Variants in GLIS1 observed in about 807,000 individuals in gnomAD.
GLIS1 encodes GLIS family zinc finger 1.
In GLIS1, 24 loss-of-function variants were observed where a neutral mutation model predicts 63.8. The observed-to-expected ratio is 0.38, with a 90% CI of 0.27 to 0.53. The LOEUF is 0.53. GLIS1 is among the 20% of genes least tolerant of loss of function. The pLI, the probability that GLIS1 is intolerant of heterozygous loss-of-function variation, is 0.85. For missense variants in GLIS1, 1,036 were observed against 1,074.1 expected (o/e 0.96, Z 0.50); for synonymous variants, 450 against 482.5 (o/e 0.93, Z 0.88).
intron 2 of GLIS1, among the ~76,000 whole-genome samples, chr1:53,703,452 T>C (rs1251221496): frequency 1.3e-5 from 2 of 151,714 alleles, no homozygotes; most frequent in African/African-American, 4.8e-5. Context: ...GCCTGGGCAA[T>C]ATAGCAAGAC....
chr1:53,700,579 G>A (rs1294455890), intron 2 of GLIS1, among the ~76,000 whole-genome samples: 1 of 152,214 alleles, frequency 6.6e-6, no homozygotes, highest in Non-Finnish European at 1.5e-5. Context: ...GGAGGGGTCA[G>A]ATCCTGCAGG....
intron 4 of GLIS1, among the ~76,000 whole-genome samples, chr1:53,589,288 G>C (rs572414836): frequency 2.6e-5 from 4 of 152,202 alleles, no homozygotes; most frequent in African/African-American, 9.6e-5. Context: ...CAAAACAACA[G>C]ATAGGGAATG....
At chr1:53,527,204 G>A (rs969478720) in intron 5 of GLIS1, among the ~76,000 whole-genome samples, 10 of 152,232 alleles carry the variant, frequency 6.6e-5, no homozygotes, top group Non-Finnish European at 1.5e-4. Context: ...TCCTCTGCTC[G>A]GTGGCCTCGA....
intron 3 of GLIS1, among the ~76,000 whole-genome samples, chr1:53,596,896 TCA>T (rs1015700637): frequency 2.0e-5 from 3 of 151,994 alleles, no homozygotes; most frequent in African/African-American, 7.2e-5. Context: ...GAATGGAAAG[TCA>T]GTGATTTCAC....
chr1:53,592,645 C>G (rs559013625), intron 4 of GLIS1, among the ~76,000 whole-genome samples: 2 of 152,332 alleles, frequency 1.3e-5, no homozygotes, highest in South Asian at 4.1e-4. Flanking sequence ...GCCCAGCCAC[C>G]AGGCCTCCTT....
chr1:53,622,216 T>G (rs1451254495), intron 2 of GLIS1, among the ~76,000 whole-genome samples: 1 of 151,004 alleles, frequency 6.6e-6, no homozygotes, highest in Non-Finnish European at 1.5e-5. Context: ...TCACTAGAGG[T>G]CAGGAGTTCG....
At chr1:53,596,177 C>G (rs1645253509) in intron 3 of GLIS1, among the ~76,000 whole-genome samples, 1 of 152,212 alleles carries the variant, frequency 6.6e-6, no homozygotes, top group African/African-American at 2.4e-5. Flanking sequence ...CAGAGGGCCT[C>G]TCCCACATGT....
Position 53,594,548 on chromosome 1 carries a change from G to C in GLIS1, c.880C>G (p.Arg294Gly), listed in dbSNP as rs376288261. ...LTGDLGGPSK[R>G]ARPGPASTDS... is the part of the protein sequence containing the mutation. ...GTCGATGCAGGGCCAGGCCGGGCCC[G>C]CTTGGAAGGGCCCCCCAGATCTCCC... Residue 294 changes from arginine (R) to glycine (G), a missense_variant, in exon 4 of 11, where the codon CGG becomes GGG. By Grantham distance (125) the Arg-to-Gly change is moderately radical. Transcript: ENST00000628545. The C allele has an allele frequency of 1.2e-6, 2 of 1,602,770 alleles. No homozygotes were observed. The highest frequency in any genetic ancestry group is 1.7e-6 in the Non-Finnish European group (2 of 1,171,972).
intron 7 of GLIS1, among the ~76,000 whole-genome samples, chr1:53,517,315 G>A (rs1454339717): frequency 1.3e-5 from 2 of 152,150 alleles, no homozygotes; most frequent in African/African-American, 4.8e-5. Context: ...CCTGCCTCTA[G>A]GACTCTGCTC....
At chr1:53,734,089 T>A (rs1646890438) in intron 2 of GLIS1, 1 of 984,662 alleles carries the variant, frequency 1.0e-6, no homozygotes, top group East Asian at 1.1e-4. Context: ...GTTACAAGAC[T>A]GACTGCTTTT....
At chr1:53,603,206 T>C (rs564867827) in intron 2 of GLIS1, among the ~76,000 whole-genome samples, 2 of 152,300 alleles carry the variant, frequency 1.3e-5, no homozygotes, top group South Asian at 4.2e-4. Context: ...CAAGTCATAG[T>C]ATGGTGCCAC....
intron 3 of GLIS1, among the ~76,000 whole-genome samples, chr1:53,596,329 C>T (rs1447692074): frequency 6.6e-6 from 1 of 152,172 alleles, no homozygotes. Context: ...CACCAGAGCA[C>T]TCTGAAAAGG....
chr1:53,610,780 CCT>C (rs1203347229), intron 2 of GLIS1, among the ~76,000 whole-genome samples: 1 of 152,094 alleles, frequency 6.6e-6, no homozygotes, highest in Non-Finnish European at 1.5e-5. Flanking sequence ...TCGTCTTTCC[CCT>C]GTCTTTCTGG....
chr1:53,573,261 G>A (rs946506863), intron 4 of GLIS1, among the ~76,000 whole-genome samples: 2 of 152,072 alleles, frequency 1.3e-5, no homozygotes, highest in South Asian at 2.1e-4. Flanking sequence ...GGAAGGTGCC[G>A]CCTGTTAGAA....
intron 2 of GLIS1, among the ~76,000 whole-genome samples, chr1:53,732,294 A>C (rs1056405671): frequency 1.3e-5 from 2 of 151,974 alleles, no homozygotes; most frequent in Non-Finnish European, 2.9e-5. Context: ...CCACTGGGTT[A>C]GGGTTGTATT....
At chr1:53,679,344 T>G (rs924272980) in intron 2 of GLIS1, among the ~76,000 whole-genome samples, 3 of 152,200 alleles carry the variant, frequency 2.0e-5, no homozygotes, top group Admixed American at 6.5e-5. Flanking sequence ...AAGATTGTAT[T>G]GTTGAATTTA....
intron 2 of GLIS1, among the ~76,000 whole-genome samples, chr1:53,626,345 G>T (rs958254595): frequency 6.6e-6 from 1 of 152,086 alleles, no homozygotes. Flanking sequence ...GTCTGTCCTC[G>T]AGAGCCAGCA....
At chr1:53,545,490 T>C (rs1315067955) in intron 4 of GLIS1, among the ~76,000 whole-genome samples, 2 of 152,174 alleles carry the variant, frequency 1.3e-5, no homozygotes, top group African/African-American at 4.8e-5. Context: ...ACACCCAAAA[T>C]ACGCTGTTAG....
chr1:53,693,995 A>T (rs1557525880), intron 2 of GLIS1, among the ~76,000 whole-genome samples: 1 of 152,130 alleles, frequency 6.6e-6, no homozygotes, highest in African/African-American at 2.4e-5. Context: ...GACGGTGGGC[A>T]CTGGGCTCAC....
Sources: allele counts gnomAD v4.1 joint callset (sites outside exome capture counted in the v4.1 genomes callset), GRCh38; gene constraint gnomAD v4.1.1; transcripts MANE v1.5; gene names NCBI Gene and HGNC (gene_info 2026-07-23, HGNC 2026-07-21).